Variants in STAT2 observed in about 807,000 individuals in gnomAD.
STAT2 encodes signal transducer and activator of transcription 2.
A neutral mutation model predicts 122.3 loss-of-function variants in STAT2; 51 were observed. The observed-to-expected ratio is 0.42, with a 90% CI of 0.33 to 0.53. The LOEUF (loss-of-function observed/expected upper bound fraction) is 0.53. STAT2 is among the 20% of genes least tolerant of loss of function. The pLI is 0.10. For synonymous variants in STAT2, 351 were observed against 394.9 expected (o/e 0.89, Z 1.32); for missense variants, 736 against 1,010.3 (o/e 0.73, Z 3.68).
At chr12:56,358,615 T>A (rs770862165) in intron 1 of STAT2, among the ~76,000 whole-genome samples, 1 of 152,142 alleles carries the variant, frequency 6.6e-6, no homozygotes, top group Non-Finnish European at 1.5e-5. Flanking sequence ...CTGCCCTCCA[T>A]ATAGGAAGGA....
chr12:56,348,562 A>G lies in STAT2; in HGVS notation c.1691T>C (p.Val564Ala), dbSNP rs199606546. 1 of 1,614,154 alleles carries G rather than the reference A, an allele frequency of 6.2e-7. No homozygotes were observed. The highest frequency in any genetic ancestry group is 1.7e-5 in the Admixed American group (1 of 60,008). The part of the protein sequence containing the change: ...WTWLDKILEL[V>A]HDHLKDLWND... ...CCAGAGATCCTTCAGGTGGTCATGTACCAACTCCAGAATTTTGTCCAGCCA... is the reference window on the plus strand; with the variant it reads ...CCAGAGATCCTTCAGGTGGTCATGTGCCAACTCCAGAATTTTGTCCAGCCA... Residue 564 changes from valine to alanine, a missense_variant, in exon 19 of 24, where the codon GTA (valine) becomes GCA (alanine). Coordinates refer to ENST00000314128, the MANE Select transcript of STAT2 (RefSeq NM_005419.4).
chr12:56,356,950 C>T (rs570613299), intron 1 of STAT2, among the ~76,000 whole-genome samples: 46 of 151,688 alleles, frequency 3.0e-4, no homozygotes, highest in Admixed American at 2.7e-3. Flanking sequence ...TTTTGAGCAC[C>T]CACATGACAC....
chr12:56,351,414 C>T lies in STAT2; in HGVS notation c.819G>A (p.Arg273=). Residue 273 remains arginine, a synonymous_variant, in exon 9 of 24, where the codon AGG becomes AGA. Transcript: ENST00000314128. ...TAGAKLLFHL[R]QLLKELKGLS... is the part of the protein sequence containing the mutation. ...GTCCCTTCAGCTCCTTCAGCAGCTG[C>T]CTCAGGTGAAACAACAGCTTTGCTC... 1 of 1,614,050 alleles carries T rather than the reference C, an allele frequency of 6.2e-7. No homozygotes were observed. The highest frequency in any genetic ancestry group is 8.5e-7 in the Non-Finnish European group (1 of 1,180,006).
rs763559689 is a variant in STAT2, at chr12:56,350,155, T to C, written c.1151A>G (p.Lys384Arg). ...CTGCCCCTTCTCGGGGGTCAAAGTT[T>C]TCTGGTTTGAAGTCAGAATGTTGAA... Reference protein sequence around the residue: ...RKFNILTSNQKTLTPEKGQSQ... With the variant: ...RKFNILTSNQRTLTPEKGQSQ... The change falls in exon 13 of 24, where the codon AAA becomes AGA. Residue 384 changes from lysine to arginine, a missense_variant. Lys to Arg is a conservative substitution (Grantham distance 26). Transcript: ENST00000314128. 1 of 1,613,302 alleles carries C rather than the reference T, an allele frequency of 6.2e-7. No homozygotes were observed. The highest frequency in any genetic ancestry group is 2.2e-5 in the East Asian group (1 of 44,860).
At chr12:56,345,512 A>ATATATATATAT (rs1216741920) in intron 22 of STAT2, among the ~76,000 whole-genome samples, 1 of 28,038 alleles carries the variant, frequency 3.6e-5, no homozygotes, top group Non-Finnish European at 5.7e-5. Context: ...AAAAAAAAAA[A>ATATATATATAT]AAAAAAAAAA....
intron 16 of STAT2, 41 bp downstream of exon 16, chr12:56,349,122 C>A (rs750391066): frequency 3.1e-6 from 5 of 1,613,946 alleles, no homozygotes; most frequent in Admixed American, 3.3e-5. Flanking sequence ...GCTTCCACAC[C>A]CCTCCTCTCG....
intron 8 of STAT2, among the ~76,000 whole-genome samples, chr12:56,353,192 C>G (rs1878823020): frequency 6.6e-6 from 1 of 152,186 alleles, no homozygotes; most frequent in South Asian, 2.1e-4. Flanking sequence ...CCACATTGGC[C>G]AGGCTGGTCT....
chr12:56,344,095 C>T lies in STAT2; in HGVS notation c.2143G>A (p.Glu715Lys). The T allele has an allele frequency of 6.3e-7, 1 of 1,577,820 alleles. No homozygotes were observed. Among genetic ancestry groups the T allele is most frequent in the Non-Finnish European group, 8.6e-7 (1 of 1,160,416 alleles). ...ELQQPLELKP[E>K]PELESLELEL... ...AGCTCTAATGACTCCAGCTCTGGCT[C>T]TGGCTTAAGCTCCAGCGGTTGTTGC... The change falls in exon 23 of 24, where the codon GAG becomes AAG. Residue 715 changes from glutamate to lysine, a missense_variant. Coordinates refer to ENST00000314128, the MANE Select transcript of STAT2 (RefSeq NM_005419.4).
At chr12:56,358,458 C>T (rs1209987890) in intron 1 of STAT2, among the ~76,000 whole-genome samples, 1 of 152,072 alleles carries the variant, frequency 6.6e-6, no homozygotes, top group African/African-American at 2.4e-5. Flanking sequence ...ATTGTCCAGG[C>T]TGGTCTGGAA....
At chr12:56,355,992 C>A (rs1283828230) in intron 3 of STAT2, 140 bp downstream of exon 3, 8 of 1,322,648 alleles carry the variant, frequency 6.0e-6, no homozygotes, top group East Asian at 4.7e-5. Flanking sequence ...AGTGATTCCC[C>A]AAGTCCAGAC....
In STAT2 at chr12:56,346,628, G is replaced by A. The variant is rs1420142605; in HGVS notation, c.1862-4C>T. On this transcript the variant is annotated splice_region_variant and splice_polypyrimidine_tract_variant and intron_variant, in intron 20 of 23. Coordinates refer to ENST00000314128, the MANE Select transcript of STAT2 (RefSeq NM_005419.4). Reference sequence around the variant, plus strand: ...ACAGAGTAGATGAGCACCTTGTCTGGAGAGTGAATGCAGGAACAGGCGGGC... The same window carrying A: ...ACAGAGTAGATGAGCACCTTGTCTGAAGAGTGAATGCAGGAACAGGCGGGC... 3.7e-6 allele frequency: 6 copies of A among 1,613,974 alleles called. No homozygotes were observed. The Admixed American group carries it at 1.0e-4, about 27-fold the overall frequency.
rs573888623 is a variant in STAT2, at chr12:56,351,335, G to A, written c.898C>T (p.Arg300Cys). Residue 300 changes from arginine to cysteine, a missense_variant, in exon 9 of 24, where the codon CGC becomes TGC. Arg to Cys is a radical substitution (Grantham distance 180). Transcript: ENST00000314128. The stretch of plus-strand genomic sequence containing the variant: ...AGCAACTCTGTGACCTGGGCGTTGC[G>A]TAGGTCCACCCCTTTGGTCAGAGGG... ...DDPLTKGVDL[R>C]NAQVTELLQR... 21 of 1,614,164 alleles carry A rather than the reference G, an allele frequency of 1.3e-5. No homozygotes were observed. In the Middle Eastern group the frequency reaches 5.0e-4, roughly 38 times the overall value.
intron 8 of STAT2, 113 bp from the exon 9 acceptor site, chr12:56,351,563 A>G (rs1878486872): frequency 8.7e-6 from 9 of 1,040,224 alleles, no homozygotes; most frequent in South Asian, 6.8e-5. Flanking sequence ...TGGGGGGAAG[A>G]AAAAAAAAGA....
At chr12:56,359,838 C>T (rs929209762) in intron 1 of STAT2, among the ~76,000 whole-genome samples, 2 of 152,168 alleles carry the variant, frequency 1.3e-5, no homozygotes, top group Non-Finnish European at 2.9e-5. Context: ...TTCCGGGTCT[C>T]GGAAGCTGCA....
chr12:56,348,547 T>C lies in STAT2; in HGVS notation c.1706A>G (p.Lys569Arg), dbSNP rs1877903611. 6.2e-7 allele frequency: 1 copy of C among 1,614,036 alleles called. No individual in the cohort carries two copies. The highest frequency in any genetic ancestry group is 8.5e-7 in the Non-Finnish European group (1 of 1,180,044). The change falls in exon 19 of 24, where the codon AAG (lysine) becomes AGG (arginine). Residue 569 changes from lysine to arginine, a missense_variant. Coordinates refer to ENST00000314128, the MANE Select transcript of STAT2 (RefSeq NM_005419.4). ...KILELVHDHL[K>R]DLWNDGRIMG... The stretch of plus-strand genomic sequence containing the variant: ...GCCTTACCCATCATTCCAGAGATCC[T>C]TCAGGTGGTCATGTACCAACTCCAG...
Position 56,355,721 on chromosome 12 carries a change from T to C in STAT2, c.368A>G (p.Gln123Arg). The change falls in exon 4 of 24, where the codon CAG becomes CGG. Residue 123 changes from glutamine (Q) to arginine (R), a missense_variant. Transcript: ENST00000314128. ...AATTGTCCTCACCAATTGGGCCCTC[T>C]GAGCCTGGATCAAAATTCTTTTTTC... ...LEEKRILIQA[Q>R]RAQLEQGEPV... 1 of 1,614,158 alleles carries C rather than the reference T, an allele frequency of 6.2e-7. No individual in the cohort carries two copies.
At chr12:56,349,712 G>A in intron 13 of STAT2, 76 bp from the exon 14 acceptor site, 1 of 1,588,900 alleles carries the variant, frequency 6.3e-7, no homozygotes, top group Non-Finnish European at 8.6e-7. Flanking sequence ...TTGGCTTCAA[G>A]ACCTCTCAAG....
In STAT2 at chr12:56,343,495, G is replaced by A. The variant is rs768593805; in HGVS notation, c.2450C>T (p.Pro817Leu). 1.4e-5 allele frequency: 22 copies of A among 1,613,976 alleles called. No homozygotes were observed. The highest frequency in any genetic ancestry group is 2.7e-5 in the African/African-American group (2 of 74,896). Reference sequence around the variant, plus strand: ...GCCAGCCAACAGTGGGTCACCATTCGGCATGATTTCTTCAATCTTTACACA... The same window carrying A: ...GCCAGCCAACAGTGGGTCACCATTCAGCATGATTTCTTCAATCTTTACACA... ...RNCVKIEEIMPNGDPLLAGQN... is the reference protein window; with the variant it reads ...RNCVKIEEIMLNGDPLLAGQN... Residue 817 changes from proline to leucine, a missense_variant, in exon 24 of 24, where the codon CCG becomes CTG. Coordinates refer to ENST00000314128, the MANE Select transcript of STAT2 (RefSeq NM_005419.4).
At position 56,356,225 on chromosome 12, in the gene STAT2, C is replaced by T; in HGVS notation, c.192G>A (p.Leu64=). The change falls in exon 3 of 24, where the codon TTG becomes TTA. Residue 64 remains leucine, a synonymous_variant. Coordinates refer to ENST00000314128, the MANE Select transcript of STAT2 (RefSeq NM_005419.4). ...GGCCACACTCATAGTTCAGCTGATC[C>T]AAGAAGTGGAAGAATAGCATGGTAG... ...SKATMLFFHF[L]DQLNYECGRC... is the part of the protein sequence containing the mutation. The T allele has an allele frequency of 1.2e-6, 2 of 1,613,760 alleles. No homozygotes were observed. Among genetic ancestry groups the T allele is most frequent in the South Asian group, 1.1e-5 (1 of 91,086 alleles).
Sources: gnomAD v4.1 joint callset for allele counts (sites outside exome capture counted in the v4.1 genomes callset) on GRCh38, gnomAD v4.1.1 for gene constraint, MANE v1.5 for transcripts, NCBI Gene and HGNC (gene_info 2026-07-23, HGNC 2026-07-21) for gene names.